The following ZNF106 variants were observed in gnomAD, a reference collection of about 807,000 sequenced individuals.
ZNF106 encodes SH3-domain binding protein 3.
A neutral mutation model predicts 195.1 loss-of-function variants in ZNF106; 67 were observed. The ratio of observed to expected loss-of-function variants is 0.34; its 90% confidence interval spans 0.28 to 0.42. The LOEUF (loss-of-function observed/expected upper bound fraction) is 0.42. Among genes scored for constraint, ZNF106 ranks in the 10% least tolerant of loss-of-function variants. The pLI is 1.00. For synonymous variants in ZNF106, 784 were observed against 818.6 expected, an observed-to-expected ratio of 0.96 and a Z score of 0.72; for missense variants, 2,118 against 2,304.5, an observed-to-expected ratio of 0.92 and a Z score of 1.66.
intron 1 of ZNF106, among the ~76,000 whole-genome samples, chr15:42,478,871 C>A (rs1050180212): frequency 1.3e-5 from 2 of 152,124 alleles, no homozygotes; most frequent in Non-Finnish European, 2.9e-5. Context: ...ACAGAGGATA[C>A]CACATTACAT....
Position 42,440,997 on chromosome 15 carries a change from AAATATATATATATATATATATAT to A in ZNF106, c.3763+1053_3763+1075del, listed in dbSNP as rs1210402279. On this transcript the variant is annotated intron_variant, in intron 10 of 21. Transcript: ENST00000564754. The stretch of plus-strand genomic sequence containing the variant: ...GAAACTCTGTCTAAAAAAAAAAAAA[AAATATATATATATATATATATAT>A]ATATATATATATATATATATATATA... Among the ~76,000 whole-genome samples the A allele has an allele frequency of 6.4e-3, 333 of 51,634 alleles. 28 individuals carry two copies. The highest frequency in any genetic ancestry group is 0.022 in the African/African-American group (176 of 8,012). The allele number at this position is 51,634 out of a possible 152,430, so 33.9% of individuals were successfully genotyped here. A position where few individuals can be genotyped will look rare whatever the true frequency, so the allele number is the denominator to read the frequency against.
chr15:42,454,792 G>A (rs537202082), intron 4 of ZNF106, among the ~76,000 whole-genome samples: 2 of 152,004 alleles, frequency 1.3e-5, no homozygotes, highest in African/African-American at 4.8e-5. Context: ...CCAGCTTCTC[G>A]GGAGGTTGAG....
At chr15:42,469,858 C>CA (rs879787963) in intron 2 of ZNF106, among the ~76,000 whole-genome samples, 6,621 of 85,876 alleles carry the variant, frequency 0.077, 500 homozygotes, top group African/African-American at 0.22. Flanking sequence ...AAAACAACAA[C>CA]AAAAAAAAAA....
At chr15:42,465,910 C>T (rs984549212) in intron 3 of ZNF106, 143 bp downstream of exon 3, 7 of 584,480 alleles carry the variant, frequency 1.2e-5, no homozygotes, top group Admixed American at 3.7e-5. Context: ...ATCTACTACA[C>T]TTGGTATTAA....
chr15:42,467,412 A>C (rs184915689), intron 2 of ZNF106, among the ~76,000 whole-genome samples: 14 of 152,324 alleles, frequency 9.2e-5, no homozygotes, highest in African/African-American at 2.2e-4. Flanking sequence ...GAATGCAGAG[A>C]AGTTACCTCA....
At chr15:42,419,842 A>C (rs2054593960) in intron 20 of ZNF106, among the ~76,000 whole-genome samples, 1 of 151,900 alleles carries the variant, frequency 6.6e-6, no homozygotes, top group Non-Finnish European at 1.5e-5. Flanking sequence ...CCCAGCTACT[A>C]GGGAGGCTGA....
chr15:42,463,620 C>A (rs1327835434), intron 3 of ZNF106, among the ~76,000 whole-genome samples: 1 of 151,992 alleles, frequency 6.6e-6, no homozygotes, highest in African/African-American at 2.4e-5. Flanking sequence ...GGAACCCTGT[C>A]TTTACAAAAA....
At position 42,421,844 on chromosome 15, in the gene ZNF106, C is replaced by T. The variant is rs1010644434; in HGVS notation, c.5445+73G>A. ...TGAGGCATATCAGAAGCAGATGTCA[C>T]TTTTGGAAGTGACAAGAATTTTTTA... On this transcript the variant is annotated intron_variant, in intron 19 of 21. Transcript: ENST00000564754. 13 of 1,307,138 alleles carry T rather than the reference C, an allele frequency of 9.9e-6. No individual in the cohort carries two copies. In the African/African-American group the frequency reaches 1.6e-4, roughly 16 times the overall value. 81.0% of individuals were successfully genotyped at this position (1,307,138 alleles called of 1,614,324 possible).
intron 3 of ZNF106, among the ~76,000 whole-genome samples, chr15:42,464,169 G>C (rs1030677683): frequency 6.6e-6 from 1 of 151,808 alleles, no homozygotes; most frequent in African/African-American, 2.4e-5. Context: ...GTGAAAACCC[G>C]TCTCTACTAA....
At chr15:42,445,067 T>C (rs1254997886) in intron 7 of ZNF106, 86 bp from the exon 8 acceptor site, 4 of 1,484,076 alleles carry the variant, frequency 2.7e-6, no homozygotes, top group Non-Finnish European at 3.7e-6. Flanking sequence ...ATACCCATTA[T>C]TTAGGATAAG....
rs564121369 is a variant in ZNF106, at chr15:42,488,662, G to A, written c.-33+2318C>T. Among the ~76,000 whole-genome samples the A allele has an allele frequency of 5.3e-5, 8 of 152,272 alleles. No homozygotes were observed. The East Asian group carries it at 5.8e-4, about 11-fold the overall frequency. The stretch of plus-strand genomic sequence containing the variant: ...CCATTCCTGGTCCCAGAACCAAGTC[G>A]TCTAGCATCTTCCATTCCTCTCAAC... On this transcript the variant is annotated intron_variant, in intron 1 of 21. Transcript: ENST00000564754.
intron 1 of ZNF106, among the ~76,000 whole-genome samples, chr15:42,474,658 G>A (rs1400624567): frequency 6.6e-6 from 1 of 152,150 alleles, no homozygotes; most frequent in Admixed American, 6.5e-5. Flanking sequence ...GGCACAGCAA[G>A]GAGGATTCCT....
At chr15:42,454,685 G>A (rs1195621172) in intron 4 of ZNF106, among the ~76,000 whole-genome samples, 2 of 151,750 alleles carry the variant, frequency 1.3e-5, no homozygotes, top group Non-Finnish European at 2.9e-5. Flanking sequence ...GAAGTTCGAG[G>A]CCAGCCTGGG....
rs200875523 is a variant in ZNF106 at position 42,439,606 on chromosome 15, T to C, written c.3971A>G (p.Asn1324Ser). The change falls in exon 11 of 22, where the codon AAT (asparagine) becomes AGT (serine). Residue 1324 changes from asparagine (N) to serine (S), a missense_variant. Transcript: ENST00000564754. ...ACTGGTACAGGCTTCAGACCCACTA[T>C]TGCCTTTGGTTGGCTCTTCCCCTTC... ...NKEGEEPTKG[N>S]SGSEACTSSF... The C allele has an allele frequency of 3.7e-6, 6 of 1,614,008 alleles. No individual in the cohort carries two copies. The highest frequency in any genetic ancestry group is 3.3e-5 in the Admixed American group (2 of 59,996).
intron 14 of ZNF106, among the ~76,000 whole-genome samples, chr15:42,429,736 T>G (rs1361645327): frequency 6.6e-6 from 1 of 152,056 alleles, no homozygotes; most frequent in African/African-American, 2.4e-5. Context: ...TTCATGTTGC[T>G]TCCCATTAAT....
intron 2 of ZNF106, among the ~76,000 whole-genome samples, chr15:42,469,184 TA>T (rs879755905): frequency 1.3e-4 from 19 of 145,934 alleles, no homozygotes; most frequent in African/African-American, 2.5e-4. Context: ...AAACGCCGTC[TA>T]AAAAAAAAAA....
intron 1 of ZNF106, among the ~76,000 whole-genome samples, chr15:42,477,986 A>C (rs2056819902): frequency 6.6e-6 from 1 of 150,954 alleles, no homozygotes; most frequent in African/African-American, 2.4e-5. Flanking sequence ...TTATTTATTT[A>C]TTTATTTATT....
chr15:42,465,095 T>C (rs544169038), intron 3 of ZNF106, among the ~76,000 whole-genome samples: 52 of 152,310 alleles, frequency 3.4e-4, no homozygotes, highest in African/African-American at 1.2e-3. Context: ...ACAATGGGGT[T>C]TCCCCATATT....
chr15:42,441,373 A>G lies in ZNF106; in HGVS notation c.3763+700T>C, dbSNP rs145386384. ...ATAAATAAGCTATATATTTGATACT[A>G]ACATCTAGATTAATATTGCAACATA... On this transcript the variant is annotated intron_variant, in intron 10 of 21. Coordinates refer to ENST00000564754, the MANE Select transcript of ZNF106 (RefSeq NM_001366845.3). 1.0e-3 allele frequency among the ~76,000 whole-genome samples: 152 copies of G among 152,094 alleles called. 5 individuals are homozygous for G. The East Asian group carries it at 0.028, about 28-fold the overall frequency.
Sources: gnomAD v4.1 joint callset for allele counts (sites outside exome capture counted in the v4.1 genomes callset) on GRCh38, gnomAD v4.1.1 for gene constraint, MANE v1.5 for transcripts, NCBI Gene and HGNC (gene_info 2026-07-23, HGNC 2026-07-21) for gene names.